NRXN3: variants seen among roughly 807,000 people sequenced by gnomAD.
NRXN3 encodes the protein neurexin 3, also known as neurexin III.
In NRXN3, 32 loss-of-function variants were observed where a neutral mutation model predicts 137.6. The ratio of observed to expected loss-of-function variants is 0.23; its 90% CI spans 0.18 to 0.31. The LOEUF is 0.31. Among genes scored for constraint, NRXN3 ranks in the 10% least tolerant of loss-of-function variants. NRXN3 has a pLI of 1.00. For synonymous variants in NRXN3, 798 were observed against 784.5 expected, an observed-to-expected ratio of 1.02 and a Z score of -0.29; for missense variants, 1,574 against 2,062.5, an observed-to-expected ratio of 0.76 and a Z score of 4.59.
chr14:79,724,855 A>G (rs1392246737), intron 19 of NRXN3, among the ~76,000 whole-genome samples: 1 of 152,126 alleles, frequency 6.6e-6, no homozygotes, highest in Non-Finnish European at 1.5e-5. Flanking sequence ...AGACTAACAC[A>G]TATGTACCAC....
At chr14:79,068,485 T>C (rs923382183) in intron 15 of NRXN3, among the ~76,000 whole-genome samples, 11 of 152,112 alleles carry the variant, frequency 7.2e-5, no homozygotes, top group Non-Finnish European at 1.3e-4. Flanking sequence ...ATCTTATATT[T>C]ATATCTTAAT....
At chr14:79,403,396 G>T (rs1246676912) in intron 15 of NRXN3, among the ~76,000 whole-genome samples, 3 of 152,118 alleles carry the variant, frequency 2.0e-5, no homozygotes, top group African/African-American at 7.2e-5. Flanking sequence ...AAGTTAATCA[G>T]CTCAGTAGGG....
At chr14:78,492,508 A>T (rs1012025525) in intron 4 of NRXN3, among the ~76,000 whole-genome samples, 3 of 152,140 alleles carry the variant, frequency 2.0e-5, no homozygotes, top group Non-Finnish European at 4.4e-5. Flanking sequence ...TAGTTTTTAG[A>T]TATATTAGTT....
At chr14:78,789,364 G>C (rs531787739) in intron 8 of NRXN3, among the ~76,000 whole-genome samples, 25 of 152,178 alleles carry the variant, frequency 1.6e-4, no homozygotes, top group African/African-American at 5.8e-4. Context: ...CCCCTAAAGG[G>C]CATTTGGAAA....
chr14:79,382,941 C>T (rs10450936), intron 15 of NRXN3, among the ~76,000 whole-genome samples: 121 of 144,118 alleles, frequency 8.4e-4, no homozygotes, highest in African/African-American at 2.8e-3. Flanking sequence ...TTTTTCTAGT[C>T]TACCACCTTA....
chr14:79,029,257 A>G (rs2099603482), intron 15 of NRXN3, among the ~76,000 whole-genome samples: 8 of 152,144 alleles, frequency 5.3e-5, no homozygotes, highest in Admixed American at 1.3e-4. Context: ...GAAGTCTCCA[A>G]TTAATTTGTA....
At chr14:79,732,277 A>G (rs1270702191) in intron 19 of NRXN3, among the ~76,000 whole-genome samples, 1 of 152,208 alleles carries the variant, frequency 6.6e-6, no homozygotes, top group Non-Finnish European at 1.5e-5. Context: ...AGCTAAGGTC[A>G]TTATTACCAA....
At chr14:79,504,432 C>T (rs2096853373) in intron 16 of NRXN3, among the ~76,000 whole-genome samples, 1 of 151,396 alleles carries the variant, frequency 6.6e-6, no homozygotes, top group African/African-American at 2.4e-5. Context: ...TTATCTATTG[C>T]AAATTTTAAG....
chr14:79,745,736 T>C (rs775126940), intron 19 of NRXN3, among the ~76,000 whole-genome samples: 1 of 151,866 alleles, frequency 6.6e-6, no homozygotes, highest in Non-Finnish European at 1.5e-5. Context: ...CAAAACAAGG[T>C]GTCAGCAGAG....
chr14:79,805,229 T>A, intron 20 of NRXN3, 39 bp downstream of exon 20: 1 of 1,531,202 alleles, frequency 6.5e-7, no homozygotes, highest in Non-Finnish European at 9.0e-7. Flanking sequence ...CTTTCTTTTT[T>A]CTTTTGCAAA....
At chr14:78,413,707 G>A (rs35007217) in intron 4 of NRXN3, among the ~76,000 whole-genome samples, 19,735 of 152,148 alleles carry the variant, frequency 0.13, 1,670 homozygotes, top group African/African-American at 0.23. Context: ...GAGGTGCAGC[G>A]TAATTAGCAG....
rs550224141 is a variant in NRXN3, at chr14:78,406,240, T to C, written c.757+108380T>C. On this transcript the variant is annotated intron_variant, in intron 4 of 20. Coordinates refer to ENST00000335750, the MANE Select transcript of NRXN3 (RefSeq NM_001330195.2). Reference sequence around the variant, plus strand: ...CAGCAAGGGGGTGGTTATTGGCTCATGTGATTGAGAAGATCAATGTGACCA... The same window carrying C: ...CAGCAAGGGGGTGGTTATTGGCTCACGTGATTGAGAAGATCAATGTGACCA... 1.7e-3 allele frequency among the ~76,000 whole-genome samples: 265 copies of C among 152,268 alleles called. 1 individual carries two copies. The highest frequency in any genetic ancestry group is 6.2e-3 in the African/African-American group (259 of 41,550).
rs569855024 is a variant in NRXN3, at chr14:79,365,725, C to CAAAAA, written c.3263-101481_3263-101477dup. On this transcript the variant is annotated intron_variant, in intron 15 of 20. Coordinates refer to ENST00000335750, the MANE Select transcript of NRXN3 (RefSeq NM_001330195.2). ...TGGGCGACAGAGCGAGACTCTGTCT[C>CAAAAA]AAAAAAAAAAAAAAAAAAAGAAAAA... Among the ~76,000 whole-genome samples the CAAAAA allele has an allele frequency of 1.4e-3, 61 of 42,306 alleles. 1 individual carries two copies. The highest frequency in any genetic ancestry group is 3.4e-3 in the African/African-American group (35 of 10,250). The allele number at this position is 42,306 out of a possible 152,430, so 27.8% of individuals were successfully genotyped here. A position where few individuals can be genotyped will look rare whatever the true frequency, so the allele number is the denominator to read the frequency against.
rs1567259003 is a variant in NRXN3, at chr14:79,486,959, CT to C, written c.3444+19558del. 5.8e-4 allele frequency among the ~76,000 whole-genome samples: 85 copies of C among 147,524 alleles called. 1 individual carries two copies. The highest frequency in any genetic ancestry group is 2.1e-3 in the African/African-American group (81 of 38,180). ...TCTCTCTCTCTCTCTCTCTCTCTCT[CT>C]CCCACACACACACACCCCAAGATAA... is the stretch of plus-strand genomic sequence containing the variant. On this transcript the variant is annotated intron_variant, in intron 16 of 20. Coordinates refer to ENST00000335750, the MANE Select transcript of NRXN3 (RefSeq NM_001330195.2).
rs535163758 is a variant in NRXN3, at chr14:78,652,929, G to A, written c.1221+1603G>A. 1.5e-3 allele frequency among the ~76,000 whole-genome samples: 234 copies of A among 152,258 alleles called. 1 individual carries two copies. The Middle Eastern group carries it at 0.024, about 15-fold the overall frequency. ...TAGCATAGGAGTACATGTGTTCAGT[G>A]GCACATACTAAATGCTCTAATTGAG... On this transcript the variant is annotated intron_variant, in intron 6 of 20. Coordinates refer to ENST00000335750, the MANE Select transcript of NRXN3 (RefSeq NM_001330195.2).
chr14:78,628,872 C>A (rs1015247088), intron 4 of NRXN3, among the ~76,000 whole-genome samples: 1 of 152,202 alleles, frequency 6.6e-6, no homozygotes, highest in African/African-American at 2.4e-5. Flanking sequence ...TTACCCAAAA[C>A]AAACTCTTGT....
intron 19 of NRXN3, among the ~76,000 whole-genome samples, chr14:79,748,657 A>G (rs977532141): frequency 4.6e-5 from 7 of 152,112 alleles, no homozygotes; most frequent in East Asian, 1.9e-4. Flanking sequence ...GCAGAGCTCA[A>G]TAAAGAAGAG....
At chr14:78,953,981 C>G (rs2099391900) in intron 10 of NRXN3, among the ~76,000 whole-genome samples, 1 of 152,148 alleles carries the variant, frequency 6.6e-6, no homozygotes, top group African/African-American at 2.4e-5. Flanking sequence ...GTGAATCACT[C>G]TTTACATTCA....
At chr14:79,653,071 C>T (rs192165408) in intron 16 of NRXN3, among the ~76,000 whole-genome samples, 9 of 152,090 alleles carry the variant, frequency 5.9e-5, no homozygotes, top group Admixed American at 4.6e-4. Context: ...AGAGTCCCCA[C>T]GTGCAGACAG....
Sources: allele counts gnomAD v4.1 joint callset (sites outside exome capture counted in the v4.1 genomes callset), GRCh38; gene constraint gnomAD v4.1.1; transcripts MANE v1.5; gene names NCBI Gene and HGNC (gene_info 2026-07-23, HGNC 2026-07-21).